DLGAP2: variants seen among roughly 807,000 people sequenced by gnomAD.
DLGAP2 encodes the protein disks large-associated protein 2.
In DLGAP2, 26 loss-of-function variants were observed where a neutral mutation model predicts 100.3. The ratio of observed to expected loss-of-function variants is 0.26; its 90% CI spans 0.19 to 0.36. The LOEUF (loss-of-function observed/expected upper bound fraction) is 0.36, where lower values mean the gene tolerates loss of function less well. Ranked by LOEUF, DLGAP2 falls within the 10% of genes least tolerant of loss-of-function variation. DLGAP2 has a pLI of 1.00. For missense variants in DLGAP2, 1,858 were observed against 1,453.2 expected (o/e 1.28, Z -4.53); for synonymous variants, 886 against 630.1 (o/e 1.41, Z -6.08).
At chr8:1,646,705 G>C (rs1798047806) in intron 8 of DLGAP2, among the ~76,000 whole-genome samples, 1 of 152,180 alleles carries the variant, frequency 6.6e-6, no homozygotes. Context: ...TGTGCTGTTT[G>C]AAAACAGGTG....
At chr8:784,505 C>A (rs755504488) in intron 1 of DLGAP2, among the ~76,000 whole-genome samples, 1 of 152,194 alleles carries the variant, frequency 6.6e-6, no homozygotes, top group African/African-American at 2.4e-5. Flanking sequence ...TTAATACTAA[C>A]GTGTTCATAT....
intron 2 of DLGAP2, among the ~76,000 whole-genome samples, chr8:930,091 C>T (rs1431828865): frequency 6.6e-6 from 1 of 152,142 alleles, no homozygotes. Context: ...GTGTTTGCAT[C>T]GGGTTGAAGG....
intron 8 of DLGAP2, among the ~76,000 whole-genome samples, chr8:1,657,267 G>A (rs1798306053): frequency 6.6e-6 from 1 of 152,144 alleles, no homozygotes; most frequent in Admixed American, 6.5e-5. Context: ...ACGTAGACTA[G>A]AATTACATTG....
At chr8:825,666 A>C (rs193291741) in intron 1 of DLGAP2, among the ~76,000 whole-genome samples, 1 of 152,192 alleles carries the variant, frequency 6.6e-6, no homozygotes, top group Non-Finnish European at 1.5e-5. Flanking sequence ...TCAATGAACC[A>C]GATTTTGGTC....
At chr8:1,061,904 A>T (rs890017764) in intron 2 of DLGAP2, among the ~76,000 whole-genome samples, 2 of 151,936 alleles carry the variant, frequency 1.3e-5, no homozygotes, top group East Asian at 3.9e-4. Flanking sequence ...ACTCACTCTT[A>T]TAAAGACCCA....
intron 4 of DLGAP2, among the ~76,000 whole-genome samples, chr8:1,517,024 C>G (rs1287692476): frequency 1.3e-5 from 2 of 152,146 alleles, no homozygotes; most frequent in Admixed American, 6.5e-5. Flanking sequence ...GTGAGGAAGG[C>G]TTTCTCACCT....
intron 8 of DLGAP2, 147 bp from the exon 9 acceptor site, chr8:1,668,182 T>A (rs1798592775): frequency 1.5e-6 from 1 of 682,104 alleles, no homozygotes; most frequent in South Asian, 2.2e-5. Context: ...TGTCTCACTG[T>A]CCCCTCATTT....
At chr8:1,437,431 A>G (rs767716086) in intron 3 of DLGAP2, among the ~76,000 whole-genome samples, 4 of 152,166 alleles carry the variant, frequency 2.6e-5, no homozygotes, top group African/African-American at 4.8e-5. Context: ...GGAACGTAGA[A>G]CCCCACTGGT....
chr8:1,079,616 A>G (rs898283509), intron 2 of DLGAP2, among the ~76,000 whole-genome samples: 3 of 152,220 alleles, frequency 2.0e-5, no homozygotes, highest in Non-Finnish European at 4.4e-5. Flanking sequence ...TCTTAGGAAC[A>G]TTTATGGACT....
rs73673046 is a variant in DLGAP2, at chr8:993,562, G to A, written c.73+85596G>A. 2.4e-3 allele frequency among the ~76,000 whole-genome samples: 363 copies of A among 150,428 alleles called. 9 individuals carry two copies. The highest frequency in any genetic ancestry group is 8.6e-3 in the African/African-American group (345 of 40,208). ...CCCATCTCCAGGAACTTCCAGGGGC[G>A]TTTGTTTCTGCTGGTCATCTCAGCT... On this transcript the variant is annotated intron_variant, in intron 2 of 14. Transcript: ENST00000637795.
intron 1 of DLGAP2, among the ~76,000 whole-genome samples, chr8:837,677 T>A (rs1796904716): frequency 6.7e-6 from 1 of 150,042 alleles, no homozygotes; most frequent in African/African-American, 2.4e-5. Flanking sequence ...TGTGTGTGTG[T>A]GTGTGTGTGT....
At chr8:884,848 T>A (rs1351076107) in intron 1 of DLGAP2, among the ~76,000 whole-genome samples, 3 of 152,248 alleles carry the variant, frequency 2.0e-5, no homozygotes, top group Non-Finnish European at 4.4e-5. Context: ...TTTCTGCATA[T>A]GGCTGGCTAG....
chr8:1,008,112 A>G (rs1801174240), intron 2 of DLGAP2, among the ~76,000 whole-genome samples: 2 of 152,238 alleles, frequency 1.3e-5, no homozygotes, highest in African/African-American at 4.8e-5. Context: ...TGATTAGTGA[A>G]GAAAGATCCT....
At chr8:1,461,178 G>C (rs1186316119) in intron 3 of DLGAP2, among the ~76,000 whole-genome samples, 2 of 147,628 alleles carry the variant, frequency 1.4e-5, no homozygotes, top group African/African-American at 5.1e-5. Context: ...AGAAGGTGCT[G>C]CTGTCACAGG....
intron 2 of DLGAP2, among the ~76,000 whole-genome samples, chr8:1,195,263 T>C (rs7822423): frequency 0.28 from 42,789 of 152,218 alleles, 6,815 homozygotes; most frequent in African/African-American, 0.44. Flanking sequence ...TGCCTCCCGC[T>C]GGCCAAGCAC....
At chr8:1,601,610 C>G (rs1563249305) in intron 6 of DLGAP2, among the ~76,000 whole-genome samples, 1 of 151,370 alleles carries the variant, frequency 6.6e-6, no homozygotes, top group Non-Finnish European at 1.5e-5. Context: ...ACAGATCAGA[C>G]CGAGTCCCTG....
In DLGAP2 at chr8:790,626, A is replaced by G. The variant is rs142795321; in HGVS notation, c.18+52801A>G. Among the ~76,000 whole-genome samples, 11 of 152,268 alleles carry G rather than the reference A, an allele frequency of 7.2e-5. No homozygotes were observed. The East Asian group carries it at 1.9e-3, about 27-fold the overall frequency. On this transcript the variant is annotated intron_variant, in intron 1 of 14. Coordinates refer to ENST00000637795, the MANE Select transcript of DLGAP2 (RefSeq NM_001346810.2). ...TTGTATTTCAGTAAAATAATATTTA[A>G]TAATATTTGGTCTATGCTGACAAGA...
intron 12 of DLGAP2, chr8:1,688,335 G>T (rs1297305087): frequency 1.3e-5 from 2 of 152,244 alleles, no homozygotes; most frequent in Non-Finnish European, 1.5e-5. Flanking sequence ...GTGTTAAGAT[G>T]CCCGACAGAC....
intron 2 of DLGAP2, among the ~76,000 whole-genome samples, chr8:1,237,349 C>G (rs1273172846): frequency 6.6e-5 from 7 of 106,780 alleles, no homozygotes; most frequent in Non-Finnish European, 1.1e-4. Flanking sequence ...GGTGCCGTGT[C>G]TAGTTCTCTC....
Sources: gnomAD v4.1 joint callset for allele counts (sites outside exome capture counted in the v4.1 genomes callset) on GRCh38, gnomAD v4.1.1 for gene constraint, MANE v1.5 for transcripts, NCBI Gene and HGNC (gene_info 2026-07-23, HGNC 2026-07-21) for gene names.